Variants in BTD observed in about 807,000 individuals in gnomAD.
BTD encodes biotinidase, also known as biocytinase.
BTD carries 13 observed loss-of-function variants against 17.7 expected under a neutral mutation model. The ratio of observed to expected loss-of-function variants is 0.74; its 90% CI spans 0.48 to 1.17. The LOEUF (loss-of-function observed/expected upper bound fraction) is 1.17, where lower values mean the gene tolerates loss of function less well. Ranked by LOEUF, BTD falls within the 50% of genes most tolerant of loss-of-function variation. The probability of loss-of-function intolerance (pLI) is 0.00; values close to 1 mark genes in which losing one functional copy is unlikely to be tolerated. For missense variants in BTD, 674 were observed against 650.4 expected (o/e 1.04, Z -0.39); for synonymous variants, 240 against 245.2 (o/e 0.98, Z 0.20).
chr3:15,694,659 G>GT, intron 3 of BTD: 1 of 1,248,964 alleles, frequency 8.0e-7, no homozygotes, highest in South Asian at 1.3e-5. Flanking sequence ...TATGGTACTA[G>GT]TTTGAGTCAA....
intron 3 of BTD, among the ~76,000 whole-genome samples, chr3:15,693,163 G>T (rs900308003): frequency 1.3e-5 from 2 of 152,168 alleles, no homozygotes; most frequent in Non-Finnish European, 1.5e-5. Context: ...AAGATAAAAA[G>T]ATTCTGGAGA....
chr3:15,683,747 TG>T (rs1166117366), intron 3 of BTD: 2 of 152,204 alleles, frequency 1.3e-5, no homozygotes, highest in Non-Finnish European at 2.9e-5. Flanking sequence ...GAAATACTTG[TG>T]GAAACATTTA....
intron 3 of BTD, among the ~76,000 whole-genome samples, chr3:15,708,806 C>A (rs1048154666): frequency 6.6e-6 from 1 of 152,106 alleles, no homozygotes; most frequent in African/African-American, 2.4e-5. Flanking sequence ...TGATTTCCTA[C>A]CATGCATAAT....
chr3:15,701,536 C>T (rs1215512527), intron 3 of BTD, among the ~76,000 whole-genome samples: 6 of 151,998 alleles, frequency 3.9e-5, no homozygotes, highest in South Asian at 2.1e-4. Flanking sequence ...CCCAGCTCCT[C>T]GGGAGGCTGA....
At chr3:15,604,123 T>G (rs925486344) in intron 1 of BTD, among the ~76,000 whole-genome samples, 5 of 149,438 alleles carry the variant, frequency 3.3e-5, no homozygotes, top group Admixed American at 1.3e-4. Flanking sequence ...GTATGGGGGC[T>G]CCCACCCCAC....
At chr3:15,617,454 G>T (rs188947842) in intron 1 of BTD, among the ~76,000 whole-genome samples, 1 of 151,972 alleles carries the variant, frequency 6.6e-6, no homozygotes, top group Non-Finnish European at 1.5e-5. Context: ...CTTGTGAAGG[G>T]TATAAGATCT....
In BTD at chr3:15,651,352, TGAG is replaced by T. The variant is rs1473539589; in HGVS notation, c.*5868_*5870del. Among the ~76,000 whole-genome samples, 5 of 152,130 alleles carry T rather than the reference TGAG, an allele frequency of 3.3e-5. No individual in the cohort carries two copies. The highest frequency in any genetic ancestry group is 1.2e-4 in the African/African-American group (5 of 41,408). ...CAGGAGGGAGACTGCAAATCTTGATTGAGGAGATCTTAAGAACAGAGTGATTTA... is the reference window on the plus strand; with the variant it reads ...CAGGAGGGAGACTGCAAATCTTGATTGAGATCTTAAGAACAGAGTGATTTA... On this transcript the variant is annotated 3_prime_UTR_variant, in exon 4 of 4. Transcript: ENST00000643237.
chr3:15,661,427 A>C (rs1291297218), intron 3 of BTD, among the ~76,000 whole-genome samples: 1 of 152,094 alleles, frequency 6.6e-6, no homozygotes. Flanking sequence ...ACATTTTTTC[A>C]TATGCTTATT....
intron 1 of BTD, among the ~76,000 whole-genome samples, chr3:15,624,842 C>T (rs545606355): frequency 2.2e-4 from 34 of 152,276 alleles, no homozygotes; most frequent in Admixed American, 1.1e-3. Context: ...CAGCATTTCT[C>T]GTGCCTCAGC....
At chr3:15,678,417 T>G (rs2067184702) in intron 3 of BTD, 2 of 1,473,122 alleles carry the variant, frequency 1.4e-6, no homozygotes, top group Non-Finnish European at 1.8e-6. Context: ...TGGAAAAATA[T>G]TCTTTAATTT....
In BTD at chr3:15,645,465, G is replaced by A. The variant is rs1203132737; in HGVS notation, c.1549G>A (p.Gly517Arg). The change falls in exon 4 of 4, where the codon GGG becomes AGG. Residue 517 changes from glycine (G) to arginine (R), a missense_variant. Physicochemically the swap from Gly to Arg is moderately radical, Grantham distance 125. Coordinates refer to ENST00000643237, the MANE Select transcript of BTD (RefSeq NM_001370658.1). Reference sequence around the variant, plus strand: ...TGGGCTGGTGACGGCGGCTCTCTATGGGCGCTTGTATGAGAGGGACTAGGA... The same window carrying A: ...TGGGCTGGTGACGGCGGCTCTCTATAGGCGCTTGTATGAGAGGGACTAGGA... ...SSGLVTAALY[G>R]RLYERD 5.6e-6 allele frequency: 9 copies of A among 1,609,532 alleles called. No homozygotes were observed. Among genetic ancestry groups the A allele is most frequent in the Non-Finnish European group, 5.1e-6 (6 of 1,179,994 alleles).
chr3:15,611,828 G>A (rs980263741), intron 1 of BTD, among the ~76,000 whole-genome samples: 11 of 150,752 alleles, frequency 7.3e-5, no homozygotes, highest in Admixed American at 2.0e-4. Flanking sequence ...GAAACTACTC[G>A]TCTAAATTTT....
At chr3:15,605,845 G>T (rs1249017427) in intron 1 of BTD, among the ~76,000 whole-genome samples, 1 of 151,920 alleles carries the variant, frequency 6.6e-6, no homozygotes, top group Non-Finnish European at 1.5e-5. Context: ...GGAGTTCGAG[G>T]CCAGCCTGGC....
At chr3:15,634,205 G>A (rs2125448349) in intron 1 of BTD, among the ~76,000 whole-genome samples, 1 of 152,322 alleles carries the variant, frequency 6.6e-6, no homozygotes, top group East Asian at 1.9e-4. Flanking sequence ...TTGTAGCCTG[G>A]GGAGTTTGGT....
intron 3 of BTD, chr3:15,676,820 C>A (rs2066986822): frequency 1.1e-5 from 6 of 529,304 alleles, no homozygotes; most frequent in Non-Finnish European, 3.3e-6. Context: ...TAGTTGTGAT[C>A]ATTTTAGAAA....
intron 3 of BTD, among the ~76,000 whole-genome samples, chr3:15,687,221 G>A (rs1288256954): frequency 2.0e-5 from 3 of 152,030 alleles, no homozygotes; most frequent in Admixed American, 2.0e-4. Flanking sequence ...GGGATTACAG[G>A]CATGAGCCAC....
chr3:15,617,978 A>T (rs1299507831), intron 1 of BTD, among the ~76,000 whole-genome samples: 3 of 152,102 alleles, frequency 2.0e-5, no homozygotes, highest in Admixed American at 6.6e-5. Flanking sequence ...TTATCTAGAG[A>T]CAGGTCTCGC....
At chr3:15,605,602 G>A (rs1043120397) in intron 1 of BTD, among the ~76,000 whole-genome samples, 9 of 152,066 alleles carry the variant, frequency 5.9e-5, no homozygotes, top group African/African-American at 2.4e-5. Flanking sequence ...CATTTATTGA[G>A]ATATAATAAA....
rs763930091 is a variant in BTD at position 15,635,704 on chromosome 3, G to T, written c.249+16G>T. ...AGCCCAAAAGGCAAGAATGCTCCTCGGAACCTGAGTTTCTCTCATACAGAG... is the reference window on the plus strand; with the variant it reads ...AGCCCAAAAGGCAAGAATGCTCCTCTGAACCTGAGTTTCTCTCATACAGAG... On this transcript the variant is annotated intron_variant, in intron 2 of 3. Transcript: ENST00000643237. The surrounding 1 kb of genome is among the most constrained non-coding windows in gnomAD (Gnocchi z 4.1). The T allele has an allele frequency of 6.2e-7, 1 of 1,613,926 alleles. No individual in the cohort carries two copies. The highest frequency in any genetic ancestry group is 2.2e-5 in the East Asian group (1 of 44,888).
Sources: gnomAD v4.1 joint callset for allele counts (sites outside exome capture counted in the v4.1 genomes callset) on GRCh38, gnomAD v4.1.1 for gene constraint, Gnocchi (gnomAD v3.1) non-coding constraint, MANE v1.5 for transcripts, NCBI Gene and HGNC (gene_info 2026-07-23, HGNC 2026-07-21) for gene names.